GRAMD2B: variants seen among roughly 807,000 people sequenced by gnomAD.
The protein encoded by GRAMD2B is GRAM domain containing 2B.
A neutral mutation model predicts 59.2 loss-of-function variants in GRAMD2B; 41 were observed. The ratio of observed to expected loss-of-function variants is 0.69; its 90% confidence interval spans 0.54 to 0.90. GRAMD2B has a LOEUF of 0.90. Ranked by LOEUF, GRAMD2B falls within the 40% of genes least tolerant of loss-of-function variation. The pLI is 0.00. For synonymous variants in GRAMD2B, 161 were observed against 182.7 expected (o/e 0.88, Z 0.96); for missense variants, 424 against 500.5 (o/e 0.85, Z 1.46).
chr5:126,404,998 G>A (rs1215409567), intron 1 of GRAMD2B, among the ~76,000 whole-genome samples: 1 of 151,934 alleles, frequency 6.6e-6, no homozygotes, highest in Non-Finnish European at 1.5e-5. Flanking sequence ...GAGAGGTCAA[G>A]TTACTTACTC....
chr5:126,370,816 A>G (rs987080613), upstream of GRAMD2B, among the ~76,000 whole-genome samples: 3 of 152,150 alleles, frequency 2.0e-5, no homozygotes, highest in African/African-American at 7.2e-5. Context: ...AGCCTCCTAT[A>G]ACCCAGCAAA....
At chr5:126,434,557 A>G (rs977959514) in intron 1 of GRAMD2B, among the ~76,000 whole-genome samples, 22 of 151,274 alleles carry the variant, frequency 1.5e-4, no homozygotes, top group African/African-American at 5.1e-4. Context: ...TTACTCTGTC[A>G]CCCAGGCTGG....
intron 1 of GRAMD2B, chr5:126,433,636 G>A (rs1427280831): frequency 6.6e-6 from 1 of 152,216 alleles, no homozygotes; most frequent in African/African-American, 2.4e-5. Flanking sequence ...ATATTTATCT[G>A]TGCTCCAGCT....
intron 1 of GRAMD2B, among the ~76,000 whole-genome samples, chr5:126,380,409 A>T (rs1755564852): frequency 6.6e-6 from 1 of 151,626 alleles, no homozygotes; most frequent in Non-Finnish European, 1.5e-5. Context: ...TATGAATTTT[A>T]GGATTTTTTT....
intron 1 of GRAMD2B, among the ~76,000 whole-genome samples, chr5:126,436,524 A>G (rs1196168034): frequency 6.6e-6 from 1 of 152,170 alleles, no homozygotes; most frequent in Non-Finnish European, 1.5e-5. Context: ...CAGTGGTACA[A>G]GCCTATAGTT....
At chr5:126,490,395 A>G (rs1773699532) in intron 13 of GRAMD2B, 1 of 152,164 alleles carries the variant, frequency 6.6e-6, no homozygotes, top group Non-Finnish European at 1.5e-5. Context: ...GGAACTGAAA[A>G]CAGAAGAGCT....
chr5:126,385,938 C>T (rs1756087452), intron 1 of GRAMD2B, among the ~76,000 whole-genome samples: 1 of 152,130 alleles, frequency 6.6e-6, no homozygotes, highest in Admixed American at 6.6e-5. Context: ...GAAGAGAAAA[C>T]ACATTTCAAG....
intron 10 of GRAMD2B, 130 bp from the exon 11 acceptor site, chr5:126,485,556 G>A: frequency 1.7e-6 from 1 of 598,372 alleles, no homozygotes; most frequent in Admixed American, 3.2e-5. Context: ...ACAACTGGGA[G>A]ACTTGATATT....
At chr5:126,375,716 A>G (rs2149697011) in intron 1 of GRAMD2B, among the ~76,000 whole-genome samples, 1 of 152,284 alleles carries the variant, frequency 6.6e-6, no homozygotes, top group Middle Eastern at 3.4e-3. Context: ...AAGGAACACT[A>G]GTATAATGTT....
At chr5:126,433,718 C>G (rs1355820191) in intron 1 of GRAMD2B, 2 of 152,148 alleles carry the variant, frequency 1.3e-5, no homozygotes, top group South Asian at 4.1e-4. Context: ...TTCATGGATT[C>G]CAATTTTTAA....
upstream of GRAMD2B, chr5:126,423,188 G>A (rs369138250): frequency 1.8e-4 from 184 of 1,005,754 alleles, 1 homozygote; most frequent in South Asian, 6.9e-3. Flanking sequence ...TGTTACAGTC[G>A]GGATAGAAAA....
upstream of GRAMD2B, among the ~76,000 whole-genome samples, chr5:126,420,054 CAA>C (rs386404926): frequency 3.9e-5 from 4 of 103,702 alleles, no homozygotes; most frequent in African/African-American, 1.1e-4. Context: ...GACTCTTTCT[CAA>C]AAAAAAAAAA....
chr5:126,465,617 T>C (rs1339710152), intron 2 of GRAMD2B, 72 bp downstream of exon 2: 2 of 1,416,778 alleles, frequency 1.4e-6, no homozygotes, highest in Non-Finnish European at 2.0e-6. Context: ...GGAGCAGGGG[T>C]TTTTTGTTAA....
chr5:126,423,809 G>A, intron 1 of GRAMD2B, 120 bp downstream of exon 1: 1 of 870,984 alleles, frequency 1.1e-6, no homozygotes, highest in Non-Finnish European at 1.7e-6. Context: ...GGACAATCTT[G>A]TGGCGCGCTC....
At chr5:126,480,388 T>C (rs1771494454) in intron 6 of GRAMD2B, 68 bp from the exon 7 acceptor site, 2 of 1,138,064 alleles carry the variant, frequency 1.8e-6, no homozygotes, top group Middle Eastern at 5.0e-4. Flanking sequence ...CAGATACTTT[T>C]CTGAACTCTC....
Position 126,483,581 on chromosome 5 carries a change from G to T in GRAMD2B, c.847+7G>T, listed in dbSNP as rs757291243. 28 of 1,514,602 alleles carry T rather than the reference G, an allele frequency of 1.8e-5. No individual in the cohort carries two copies. Among genetic ancestry groups the T allele is most frequent in the South Asian group, 1.6e-4 (14 of 88,324 alleles). 93.8% of individuals were successfully genotyped at this position (1,514,602 alleles called of 1,614,324 possible). On this transcript the variant is annotated splice_region_variant and intron_variant, in intron 9 of 13. Transcript: ENST00000285689. The stretch of plus-strand genomic sequence containing the variant: ...GAATCTGAGAACTCTCGAGGTTTGG[G>T]AAATTGTTGTATTTTGACTAAAATT...
chr5:126,413,830 A>C (rs568161495), intron 1 of GRAMD2B, among the ~76,000 whole-genome samples: 4 of 152,242 alleles, frequency 2.6e-5, no homozygotes, highest in Admixed American at 6.5e-5. Context: ...CATTGAATTG[A>C]ACTTTTTATC....
intron 1 of GRAMD2B, among the ~76,000 whole-genome samples, chr5:126,461,943 G>C (rs1767447509): frequency 1.3e-5 from 2 of 152,308 alleles, no homozygotes; most frequent in African/African-American, 4.8e-5. Flanking sequence ...GCTTAAAGTG[G>C]GTTGGAGATG....
chr5:126,365,731 G>A (rs1196498440), intron 1 of GRAMD2B, among the ~76,000 whole-genome samples: 2 of 151,574 alleles, frequency 1.3e-5, no homozygotes, highest in African/African-American at 2.4e-5. Context: ...TGGAAAACCG[G>A]TTTACCAATG....
Sources: allele counts gnomAD v4.1 joint callset (sites outside exome capture counted in the v4.1 genomes callset), GRCh38; gene constraint gnomAD v4.1.1; transcripts MANE v1.5; gene names NCBI Gene and HGNC (gene_info 2026-07-23, HGNC 2026-07-21).